Variants in NRP1 observed in about 807,000 individuals in gnomAD.
The protein encoded by NRP1 is neuropilin 1, also known as neuropilin-1.
In NRP1, 35 loss-of-function variants were observed where a neutral mutation model predicts 106.7. The observed-to-expected ratio is 0.33, with a 90% CI of 0.25 to 0.43. NRP1 has a LOEUF of 0.43. Among genes scored for constraint, NRP1 ranks in the 20% least tolerant of loss-of-function variants. The probability of loss-of-function intolerance (pLI) is 1.00; values close to 1 mark genes in which losing one functional copy is unlikely to be tolerated. For missense variants in NRP1, 1,024 were observed against 1,170.4 expected (o/e 0.87, Z 1.83); for synonymous variants, 437 against 417.9 (o/e 1.05, Z -0.56).
chr10:33,256,939 G>T (rs551282325), intron 4 of NRP1, among the ~76,000 whole-genome samples: 55 of 152,276 alleles, frequency 3.6e-4, no homozygotes, highest in African/African-American at 1.1e-3. Flanking sequence ...CCTCTGGTCT[G>T]ATCAGTCCCA....
intron 13 of NRP1, among the ~76,000 whole-genome samples, chr10:33,190,985 G>T (rs758120335): frequency 6.6e-6 from 1 of 151,908 alleles, no homozygotes; most frequent in African/African-American, 2.4e-5. Flanking sequence ...GAGTAGCTGG[G>T]ACTACAAGTG....
intron 13 of NRP1, among the ~76,000 whole-genome samples, chr10:33,187,048 T>C (rs1308708395): frequency 6.6e-6 from 1 of 152,098 alleles, no homozygotes; most frequent in Non-Finnish European, 1.5e-5. Context: ...TAATTTTTTT[T>C]TTTAAGTAGA....
At chr10:33,302,109 C>T (rs1018955363) in intron 2 of NRP1, among the ~76,000 whole-genome samples, 1 of 152,168 alleles carries the variant, frequency 6.6e-6, no homozygotes, top group Admixed American at 6.5e-5. Context: ...TTTCCAATTT[C>T]TCCAAAGTGA....
rs1837801804 is a variant in NRP1, at chr10:33,206,576, A to G, written c.1759+996T>C. Among the ~76,000 whole-genome samples, 7 of 152,196 alleles carry G rather than the reference A, an allele frequency of 4.6e-5. No homozygotes were observed. The South Asian group carries it at 1.4e-3, about 32-fold the overall frequency. On this transcript the variant is annotated intron_variant, in intron 10 of 16. Coordinates refer to ENST00000374867, the MANE Select transcript of NRP1 (RefSeq NM_003873.7). The stretch of plus-strand genomic sequence containing the variant: ...ATTATATTTGGTAGCTCAAGACACA[A>G]ATAATTTTAAAATTGCAGGAAGGTG...
At chr10:33,225,556 A>G (rs1839594808) in intron 7 of NRP1, among the ~76,000 whole-genome samples, 1 of 152,216 alleles carries the variant, frequency 6.6e-6, no homozygotes, top group Non-Finnish European at 1.5e-5. Context: ...CAGAGCGCCG[A>G]GGGACACGGT....
intron 6 of NRP1, among the ~76,000 whole-genome samples, chr10:33,234,610 C>T (rs1412861827): frequency 8.5e-5 from 13 of 152,050 alleles, no homozygotes; most frequent in Admixed American, 7.2e-4. Flanking sequence ...AGCAACGAAA[C>T]ATTTTGAGCA....
chr10:33,230,119 C>G (rs1440860355), intron 6 of NRP1, among the ~76,000 whole-genome samples: 1 of 152,140 alleles, frequency 6.6e-6, no homozygotes, highest in Non-Finnish European at 1.5e-5. Context: ...CTGCTAAGAC[C>G]AGGGAAGTTC....
At chr10:33,246,477 A>T (rs1841433317) in intron 6 of NRP1, among the ~76,000 whole-genome samples, 3 of 152,204 alleles carry the variant, frequency 2.0e-5, no homozygotes, top group Non-Finnish European at 4.4e-5. Context: ...ATGCAGAATC[A>T]GGGTAAGCAC....
At chr10:33,278,928 G>C (rs937793480) in intron 2 of NRP1, among the ~76,000 whole-genome samples, 2 of 152,024 alleles carry the variant, frequency 1.3e-5, no homozygotes, top group Non-Finnish European at 2.9e-5. Flanking sequence ...AGAGTTTATA[G>C]TCCCAGGAAA....
intron 1 of NRP1, 58 bp downstream of exon 1, chr10:33,334,252 G>A: frequency 6.7e-7 from 1 of 1,483,186 alleles, no homozygotes; most frequent in Non-Finnish European, 9.1e-7. Context: ...CCCCGGTCCG[G>A]GGCGGGCAGC....
rs759708920 is a variant in NRP1 at position 33,330,857 on chromosome 10, A to T, written c.99T>A (p.Ile33=). The T allele has an allele frequency of 6.2e-7, 1 of 1,609,102 alleles. No homozygotes were observed. The highest frequency in any genetic ancestry group is 1.3e-5 in the African/African-American group (1 of 74,718). Residue 33 remains isoleucine, a synonymous_variant, in exon 2 of 17, where the codon ATT becomes ATA. Coordinates refer to ENST00000374867, the MANE Select transcript of NRP1 (RefSeq NM_003873.7). The part of the protein sequence containing the change: ...RNDKCGDTIK[I]ESPGYLTSPG... ...GAGATGTAAGGTACCCGGGGCTTTC[A>T]ATTTTTATAGTATCGCCACATTTAT... is the stretch of plus-strand genomic sequence containing the variant.
At chr10:33,291,655 A>C (rs1320302248) in intron 2 of NRP1, among the ~76,000 whole-genome samples, 1 of 152,236 alleles carries the variant, frequency 6.6e-6, no homozygotes, top group African/African-American at 2.4e-5. Context: ...GTTGGCATGA[A>C]TTCTAGACGT....
At chr10:33,240,346 T>G (rs1291102267) in intron 6 of NRP1, among the ~76,000 whole-genome samples, 1 of 152,240 alleles carries the variant, frequency 6.6e-6, no homozygotes, top group African/African-American at 2.4e-5. Context: ...AAGTTTTATC[T>G]GCACGATTGG....
At position 33,203,652 on chromosome 10, in the gene NRP1, C is replaced by T. The variant is rs1015103020; in HGVS notation, c.1760-657G>A. On this transcript the variant is annotated intron_variant, in intron 10 of 16. Coordinates refer to ENST00000374867, the MANE Select transcript of NRP1 (RefSeq NM_003873.7). ...ACATGAACTCTCATAGGACTGCATT[C>T]CACTGTTCACAGGTATTCCCATATC... 4.0e-5 allele frequency among the ~76,000 whole-genome samples: 6 copies of T among 151,550 alleles called. No individual in the cohort carries two copies. The South Asian group carries it at 1.3e-3, about 32-fold the overall frequency.
chr10:33,210,409 T>C (rs777237950), intron 9 of NRP1, among the ~76,000 whole-genome samples: 5 of 152,198 alleles, frequency 3.3e-5, no homozygotes, highest in Non-Finnish European at 7.3e-5. Context: ...AAAGCATTTA[T>C]ATCTATGGAA....
At chr10:33,317,790 G>C (rs982429931) in intron 2 of NRP1, among the ~76,000 whole-genome samples, 1 of 152,190 alleles carries the variant, frequency 6.6e-6, no homozygotes, top group African/African-American at 2.4e-5. Flanking sequence ...CATCCATCTA[G>C]ATCTTCAGAA....
chr10:33,195,951 T>C (rs1740375878), intron 12 of NRP1, among the ~76,000 whole-genome samples: 1 of 152,164 alleles, frequency 6.6e-6, no homozygotes, highest in Non-Finnish European at 1.5e-5. Flanking sequence ...GTTTGCAATT[T>C]GCATACCTGC....
At chr10:33,181,173 G>A (rs1182124349) in intron 16 of NRP1, among the ~76,000 whole-genome samples, 2 of 152,166 alleles carry the variant, frequency 1.3e-5, no homozygotes, top group Admixed American at 1.3e-4. Flanking sequence ...TACTAGAAAC[G>A]GGATGAAAAT....
chr10:33,206,061 T>G (rs1837750080), intron 10 of NRP1: 1 of 379,446 alleles, frequency 2.6e-6, no homozygotes. Flanking sequence ...AGGTCAGATC[T>G]CTTTCACTGT....
Sources: allele counts gnomAD v4.1 joint callset (sites outside exome capture counted in the v4.1 genomes callset), GRCh38; gene constraint gnomAD v4.1.1; transcripts MANE v1.5; gene names NCBI Gene and HGNC (gene_info 2026-07-23, HGNC 2026-07-21).